The following CDH13 variants were observed in gnomAD, a reference collection of about 807,000 sequenced individuals.
The protein encoded by CDH13 is cadherin 13, also known as cadherin-13.
CDH13 carries 24 observed loss-of-function variants against 63.8 expected under a neutral mutation model. The ratio of observed to expected loss-of-function variants is 0.38; its 90% CI spans 0.27 to 0.53. CDH13 has a LOEUF of 0.53. Ranked by LOEUF, CDH13 falls within the 20% of genes least tolerant of loss-of-function variation. CDH13 has a pLI of 0.85. For missense variants in CDH13, 1,049 were observed against 903.1 expected (o/e 1.16, Z -2.07); for synonymous variants, 503 against 355.3 (o/e 1.42, Z -4.67).
intron 1 of CDH13, among the ~76,000 whole-genome samples, chr16:82,660,764 G>C (rs919853255): frequency 6.6e-6 from 1 of 152,192 alleles, no homozygotes; most frequent in Non-Finnish European, 1.5e-5. Context: ...AGGGCTTTCA[G>C]CATGGCGGGT....
Position 82,687,628 on chromosome 16 carries a change from C to A in CDH13, c.45+60491C>A, listed in dbSNP as rs549388792. Among the ~76,000 whole-genome samples, 3 of 152,252 alleles carry A rather than the reference C, an allele frequency of 2.0e-5. No individual in the cohort carries two copies. The South Asian group carries it at 6.2e-4, about 32-fold the overall frequency. ...ACAAGAACAGCATGGGAAAACCCTG[C>A]CCCCGAGATTCAGTTACCTCCCACC... On this transcript the variant is annotated intron_variant, in intron 1 of 13. Transcript: ENST00000567109.
chr16:83,619,510 AG>A (rs2150775099), intron 8 of CDH13, among the ~76,000 whole-genome samples: 1 of 152,368 alleles, frequency 6.6e-6, no homozygotes, highest in East Asian at 1.9e-4. Flanking sequence ...TCCAAGAGCA[AG>A]GCACTGGCAG....
At chr16:83,755,300 A>G (rs1374800262) in intron 11 of CDH13, among the ~76,000 whole-genome samples, 1 of 152,212 alleles carries the variant, frequency 6.6e-6, no homozygotes, top group Non-Finnish European at 1.5e-5. Context: ...GAGGATAAAG[A>G]ACGGGAAAAA....
At chr16:83,302,363 A>T (rs976788824) in intron 5 of CDH13, among the ~76,000 whole-genome samples, 1 of 152,212 alleles carries the variant, frequency 6.6e-6, no homozygotes, top group African/African-American at 2.4e-5. Flanking sequence ...AAATCATGGA[A>T]AATATGTAGA....
rs184754934 is a variant in CDH13, at chr16:82,696,763, C to G, written c.45+69626C>G. Among the ~76,000 whole-genome samples, 3 of 152,150 alleles carry G rather than the reference C, an allele frequency of 2.0e-5. No homozygotes were observed. In the South Asian group the frequency reaches 6.2e-4, roughly 32 times the overall value. ...TAGAAATTTTCCCCAAATTTAGTGGCTTACAAGCAAGTATTATTACAGAAA... is the reference window on the plus strand; with the variant it reads ...TAGAAATTTTCCCCAAATTTAGTGGGTTACAAGCAAGTATTATTACAGAAA... On this transcript the variant is annotated intron_variant, in intron 1 of 13. Coordinates refer to ENST00000567109, the MANE Select transcript of CDH13 (RefSeq NM_001257.5).
chr16:83,780,550 G>C (rs1256560129), intron 12 of CDH13, among the ~76,000 whole-genome samples: 1 of 152,100 alleles, frequency 6.6e-6, no homozygotes, highest in Non-Finnish European at 1.5e-5. Flanking sequence ...CACAACTGCA[G>C]GTTTTTACAT....
intron 1 of CDH13, among the ~76,000 whole-genome samples, chr16:82,676,147 A>G (rs1169796915): frequency 6.6e-6 from 1 of 152,202 alleles, no homozygotes; most frequent in African/African-American, 2.4e-5. Context: ...ATTCAACTTT[A>G]TCTACCTGAC....
intron 3 of CDH13, among the ~76,000 whole-genome samples, chr16:83,123,220 A>C (rs1247194547): frequency 1.3e-5 from 2 of 151,908 alleles, no homozygotes; most frequent in East Asian, 1.9e-4. Context: ...GTTTATATAT[A>C]CGTATAGATA....
intron 4 of CDH13, among the ~76,000 whole-genome samples, chr16:83,212,107 C>G (rs370285646): frequency 5.3e-5 from 8 of 152,232 alleles, no homozygotes; most frequent in African/African-American, 1.9e-4. Flanking sequence ...TAAACAACAA[C>G]AAAGGGCTGC....
intron 6 of CDH13, among the ~76,000 whole-genome samples, chr16:83,415,963 C>T (rs1323243694): frequency 3.3e-5 from 5 of 152,134 alleles, no homozygotes; most frequent in South Asian, 4.2e-4. Flanking sequence ...TAAAATGTCC[C>T]GGTTTGTAGA....
In CDH13 at chr16:83,326,482, T is replaced by G. The variant is rs555296106; in HGVS notation, c.637-18380T>G. Among the ~76,000 whole-genome samples the G allele has an allele frequency of 2.0e-5, 3 of 151,692 alleles. No individual in the cohort carries two copies. The South Asian group carries it at 6.3e-4, about 32-fold the overall frequency. On this transcript the variant is annotated intron_variant, in intron 5 of 13. Transcript: ENST00000567109. ...AATATTCCTCTGAACTCTATGGGAG[T>G]ACAATATTTGTTTATGTGTGACCTA...
At chr16:82,984,791 T>C (rs1910728368) in intron 2 of CDH13, among the ~76,000 whole-genome samples, 1 of 152,222 alleles carries the variant, frequency 6.6e-6, no homozygotes, top group African/African-American at 2.4e-5. Flanking sequence ...GTATGCTTTA[T>C]ACACACATAC....
intron 1 of CDH13, among the ~76,000 whole-genome samples, chr16:82,804,661 C>T (rs983371725): frequency 5.9e-5 from 9 of 152,040 alleles, no homozygotes; most frequent in African/African-American, 1.7e-4. Flanking sequence ...TATGAAACAC[C>T]ACAGTCAATA....
At chr16:83,739,606 C>A (rs1489528175) in intron 10 of CDH13, among the ~76,000 whole-genome samples, 2 of 152,100 alleles carry the variant, frequency 1.3e-5, no homozygotes, top group Non-Finnish European at 1.5e-5. Context: ...GTATCAGATC[C>A]AAGGCAACTA....
At chr16:83,734,892 T>C (rs1911392276) in intron 10 of CDH13, among the ~76,000 whole-genome samples, 1 of 151,856 alleles carries the variant, frequency 6.6e-6, no homozygotes, top group Non-Finnish European at 1.5e-5. Flanking sequence ...AGCTCCTTGA[T>C]TTTATCTGGG....
chr16:82,649,105 C>T (rs944527710), intron 1 of CDH13, among the ~76,000 whole-genome samples: 8 of 152,092 alleles, frequency 5.3e-5, no homozygotes, highest in Admixed American at 1.3e-4. Context: ...GAGCGCGCAC[C>T]GGCTTTCTTT....
At chr16:82,823,391 G>C (rs905031010) in intron 1 of CDH13, 1 of 130,214 alleles carries the variant, frequency 7.7e-6, no homozygotes, top group African/African-American at 2.9e-5. Context: ...TGAAATAAAG[G>C]CTGAAGAGAT....
intron 6 of CDH13, among the ~76,000 whole-genome samples, chr16:83,479,121 G>A (rs1056336600): frequency 6.6e-6 from 1 of 152,212 alleles, no homozygotes; most frequent in Non-Finnish European, 1.5e-5. Context: ...CAAGACCAGA[G>A]GAAGCGGATG....
rs1390782285 is a variant in CDH13, at chr16:82,644,168, A to G, written c.45+17031A>G. 8.5e-5 allele frequency among the ~76,000 whole-genome samples: 13 copies of G among 152,160 alleles called. No homozygotes were observed. Among genetic ancestry groups the G allele is most frequent in the Non-Finnish European group, 1.9e-4 (13 of 68,032 alleles). ...TGCTGAAGGATTTAGGATTTACCCA[A>G]ATTAACATGAATGTTTGGCACCCTT... On this transcript the variant is annotated intron_variant, in intron 1 of 13. Transcript: ENST00000567109. This position sits in a 1 kb window ranked among gnomAD's most constrained non-coding sequence, Gnocchi z 5.7.
Sources: allele counts gnomAD v4.1 joint callset (sites outside exome capture counted in the v4.1 genomes callset), GRCh38; gene constraint gnomAD v4.1.1; non-coding constraint Gnocchi (gnomAD v3.1); transcripts MANE v1.5; gene names NCBI Gene and HGNC (gene_info 2026-07-23, HGNC 2026-07-21).